Variants in TBC1D19 observed in about 807,000 individuals in gnomAD.
TBC1D19 encodes TBC1 domain family, member 19.
A neutral mutation model predicts 89.0 loss-of-function variants in TBC1D19; 60 were observed. That is an observed-to-expected ratio of 0.67 (90% CI 0.55 to 0.84). The LOEUF is 0.84. Among genes scored for constraint, TBC1D19 ranks in the 40% least tolerant of loss-of-function variants. TBC1D19 has a pLI of 0.00. For synonymous variants in TBC1D19, 189 were observed against 199.7 expected (o/e 0.95, Z 0.45); for missense variants, 500 against 610.8 (o/e 0.82, Z 1.91).
chr4:26,632,893 C>T (rs1450701951), intron 4 of TBC1D19, among the ~76,000 whole-genome samples: 2 of 152,094 alleles, frequency 1.3e-5, no homozygotes, highest in Admixed American at 1.3e-4. Context: ...CATTATCTGA[C>T]AGTGGTCTGG....
At chr4:26,694,219 G>A (rs1029404479) in intron 13 of TBC1D19, among the ~76,000 whole-genome samples, 1 of 152,142 alleles carries the variant, frequency 6.6e-6, no homozygotes, top group African/African-American at 2.4e-5. Context: ...CTTTTCCAAA[G>A]GTCTTAGCAA....
chr4:26,805,883 G>A, the TBC1D19 span, among the ~76,000 whole-genome samples: 1 of 152,068 alleles, frequency 6.6e-6, no homozygotes, highest in African/African-American at 2.4e-5. Flanking sequence ...CAGGAAAATC[G>A]GTTGAACCTG....
intron 13 of TBC1D19, among the ~76,000 whole-genome samples, chr4:26,694,334 C>A (rs1011132870): frequency 3.9e-5 from 6 of 152,168 alleles, no homozygotes; most frequent in African/African-American, 1.4e-4. Flanking sequence ...TGCAAGTCAG[C>A]AGCAAGGCTG....
In TBC1D19 at chr4:26,643,068, C is replaced by T. The variant is rs181748845; in HGVS notation, c.480+2881C>T. ...CCAGGACTTGATCTCAGCTCTGCCCCAAGCTGATCTAATAGACATCTACAG... is the reference window on the plus strand; with the variant it reads ...CCAGGACTTGATCTCAGCTCTGCCCTAAGCTGATCTAATAGACATCTACAG... On this transcript the variant is annotated intron_variant, in intron 7 of 20. Coordinates refer to ENST00000264866, the MANE Select transcript of TBC1D19 (RefSeq NM_018317.4). Among the ~76,000 whole-genome samples, 5 of 152,266 alleles carry T rather than the reference C, an allele frequency of 3.3e-5. No individual in the cohort carries two copies. In the East Asian group the frequency reaches 9.7e-4, roughly 29 times the overall value.
chr4:26,648,483 C>G (rs1411197783), intron 7 of TBC1D19, among the ~76,000 whole-genome samples: 1 of 152,192 alleles, frequency 6.6e-6, no homozygotes, highest in Non-Finnish European at 1.5e-5. Flanking sequence ...TAGCATAACA[C>G]TACCACAGGT....
At chr4:26,642,942 C>T (rs1743649704) in intron 7 of TBC1D19, among the ~76,000 whole-genome samples, 1 of 152,076 alleles carries the variant, frequency 6.6e-6, no homozygotes, top group African/African-American at 2.4e-5. Flanking sequence ...AGTCCTGAGA[C>T]ACCTAAAAAG....
the TBC1D19 span, among the ~76,000 whole-genome samples, chr4:26,773,307 G>T: frequency 5.0e-4 from 76 of 151,904 alleles, no homozygotes; most frequent in Non-Finnish European, 8.8e-4. Context: ...CTTTTTAATG[G>T]GTTTGTTTAT....
chr4:26,817,050 C>G, the TBC1D19 span, among the ~76,000 whole-genome samples: 2 of 152,238 alleles, frequency 1.3e-5, no homozygotes, highest in South Asian at 4.1e-4. Flanking sequence ...GATGTACTAT[C>G]AGGCATTTTA....
chr4:26,637,464 C>T (rs943953445), intron 5 of TBC1D19, among the ~76,000 whole-genome samples, 179 bp downstream of exon 5: 2 of 152,122 alleles, frequency 1.3e-5, no homozygotes, highest in African/African-American at 4.8e-5. Context: ...CCTCCGCCTC[C>T]TGGGTTCAAG....
At chr4:26,806,921 G>A in the TBC1D19 span, among the ~76,000 whole-genome samples, 2 of 152,184 alleles carry the variant, frequency 1.3e-5, no homozygotes, top group African/African-American at 2.4e-5. Context: ...GTCTCCTAGA[G>A]CCTCAGAGGG....
chr4:26,812,916 A>G, the TBC1D19 span, among the ~76,000 whole-genome samples: 1 of 152,168 alleles, frequency 6.6e-6, no homozygotes. This position sits in a 1 kb window ranked among gnomAD's most constrained non-coding sequence, Gnocchi z 4.2. Flanking sequence ...ATAAAATGCC[A>G]TAAAATCCTA....
the TBC1D19 span, chr4:26,857,797 A>C: frequency 6.6e-6 from 1 of 152,348 alleles, no homozygotes; most frequent in Non-Finnish European, 1.5e-5. Context: ...AGGGGAGAAG[A>C]GGGAGATAGG....
intron 10 of TBC1D19, among the ~76,000 whole-genome samples, chr4:26,673,077 A>G (rs548483758): frequency 2.7e-4 from 41 of 151,952 alleles, no homozygotes; most frequent in African/African-American, 9.9e-4. Flanking sequence ...TGAATAGCTG[A>G]CATCTTTATT....
chr4:26,628,205 G>A (rs569858939), intron 4 of TBC1D19, among the ~76,000 whole-genome samples: 1 of 152,152 alleles, frequency 6.6e-6, no homozygotes, highest in South Asian at 2.1e-4. Flanking sequence ...GTAGATATGT[G>A]GCATTATTTC....
chr4:26,752,810 A>G (rs1719045920), intron 19 of TBC1D19, among the ~76,000 whole-genome samples: 1 of 152,158 alleles, frequency 6.6e-6, no homozygotes, highest in Non-Finnish European at 1.5e-5. Flanking sequence ...TTTAATGGAA[A>G]AAATAATCCA....
intron 12 of TBC1D19, among the ~76,000 whole-genome samples, chr4:26,685,262 CCT>C (rs943457665): frequency 3.3e-5 from 5 of 152,186 alleles, no homozygotes; most frequent in African/African-American, 9.6e-5. Flanking sequence ...TGGGAGCGTG[CCT>C]CTCTCAAGAG....
At chr4:26,581,340 G>C (rs929146252), upstream of TBC1D19, among the ~76,000 whole-genome samples, 1 of 152,162 alleles carries the variant, frequency 6.6e-6, no homozygotes, top group African/African-American at 2.4e-5. Context: ...AGCCCCGCAT[G>C]CATTAGGTAT....
intron 13 of TBC1D19, among the ~76,000 whole-genome samples, chr4:26,715,599 A>G (rs1453410889): frequency 6.6e-6 from 1 of 152,128 alleles, no homozygotes; most frequent in Non-Finnish European, 1.5e-5. Context: ...AATGCTGCAG[A>G]GAGTTCTAAA....
rs187441702 is a variant in TBC1D19 at position 26,693,801 on chromosome 4, C to T, written c.954+5394C>T. On this transcript the variant is annotated intron_variant, in intron 13 of 20. Transcript: ENST00000264866. The stretch of plus-strand genomic sequence containing the variant: ...TTAAAGTACCAGACCGAAATTCTGG[C>T]GTTGAAAAGTACAATAATTGAAATG... 4.6e-5 allele frequency among the ~76,000 whole-genome samples: 7 copies of T among 151,994 alleles called. No homozygotes were observed. In the East Asian group the frequency reaches 5.8e-4, roughly 13 times the overall value.
Sources: allele counts gnomAD v4.1 joint callset (sites outside exome capture counted in the v4.1 genomes callset), GRCh38; gene constraint gnomAD v4.1.1; non-coding constraint Gnocchi (gnomAD v3.1); transcripts MANE v1.5; gene names NCBI Gene and HGNC (gene_info 2026-07-23, HGNC 2026-07-21).